The following DCLK1 variants were observed in gnomAD, a reference collection of about 807,000 sequenced individuals.
The protein encoded by DCLK1 is serine/threonine-protein kinase DCLK1.
DCLK1 carries 16 observed loss-of-function variants against 86.2 expected under a neutral mutation model. The ratio of observed to expected loss-of-function variants is 0.19; its 90% CI spans 0.13 to 0.28. The LOEUF (loss-of-function observed/expected upper bound fraction) is 0.28, where lower values mean the gene tolerates loss of function less well. DCLK1 is among the 10% of genes least tolerant of loss of function. DCLK1 has a pLI of 1.00. For missense variants in DCLK1, 590 were observed against 940.2 expected (o/e 0.63, Z 4.87); for synonymous variants, 369 against 370.5 (o/e 1.00, Z 0.05).
At chr13:35,907,054 T>C (rs1380883243) in intron 4 of DCLK1, among the ~76,000 whole-genome samples, 1 of 152,192 alleles carries the variant, frequency 6.6e-6, no homozygotes, top group Non-Finnish European at 1.5e-5. Flanking sequence ...AGACTGGTTT[T>C]TCCTACCACC....
At chr13:35,917,583 G>A (rs548801001) in intron 4 of DCLK1, among the ~76,000 whole-genome samples, 68 of 152,288 alleles carry the variant, frequency 4.5e-4, no homozygotes, top group Admixed American at 2.7e-3. Context: ...GAGAAAGCAT[G>A]CCAAGCCTTG....
chr13:35,912,008 G>A (rs1875066262), intron 4 of DCLK1, among the ~76,000 whole-genome samples: 1 of 152,134 alleles, frequency 6.6e-6, no homozygotes, highest in African/African-American at 2.4e-5. Flanking sequence ...AGCAAATAAG[G>A]ACCACTGTAC....
intron 8 of DCLK1, among the ~76,000 whole-genome samples, chr13:35,834,559 A>G (rs868538854): frequency 2.7e-4 from 41 of 152,356 alleles, no homozygotes; most frequent in African/African-American, 9.1e-4. Context: ...ATTAAATGAA[A>G]TGTCATAAAT....
intron 13 of DCLK1, 31 bp downstream of exon 13, chr13:35,808,987 T>C (rs963093875): frequency 6.3e-7 from 1 of 1,595,872 alleles, no homozygotes; most frequent in African/African-American, 1.3e-5. Flanking sequence ...AAATGCTTTG[T>C]CGGCGCTGAA....
chr13:35,774,142 T>G lies in DCLK1; in HGVS notation c.*393A>C, dbSNP rs533695794. The G allele has an allele frequency of 6.0e-6, 1 of 166,530 alleles. No homozygotes were observed. Among genetic ancestry groups the G allele is most frequent in the Admixed American group, 5.8e-5 (1 of 17,316 alleles). The allele number at this position is 166,530 out of a possible 1,614,324, so 10.3% of individuals were successfully genotyped here. On this transcript the variant is annotated 3_prime_UTR_variant, in exon 17 of 17. Coordinates refer to ENST00000360631, the MANE Select transcript of DCLK1 (RefSeq NM_001330071.2). Reference sequence around the variant, plus strand: ...ATCTGCAGTAAAATCAAGAAACATGTGTGTATACATCCAAAGGCCTGAAAA... The same window carrying G: ...ATCTGCAGTAAAATCAAGAAACATGGGTGTATACATCCAAAGGCCTGAAAA...
chr13:35,927,694 C>T (rs188963892), intron 4 of DCLK1, among the ~76,000 whole-genome samples: 8 of 152,256 alleles, frequency 5.3e-5, no homozygotes, highest in African/African-American at 7.2e-5. Flanking sequence ...CTTTGGATGA[C>T]ACCAAGTTTA....
intron 11 of DCLK1, among the ~76,000 whole-genome samples, chr13:35,820,305 T>G (rs1566549667): frequency 6.6e-6 from 1 of 152,212 alleles, no homozygotes; most frequent in African/African-American, 2.4e-5. Flanking sequence ...GTTTTTCATA[T>G]AGATATTTTA....
chr13:36,075,548 A>T (rs564842067), intron 3 of DCLK1, among the ~76,000 whole-genome samples: 1 of 152,336 alleles, frequency 6.6e-6, no homozygotes. Context: ...TTTCTATGAA[A>T]AATTTCTCTC....
intron 3 of DCLK1, among the ~76,000 whole-genome samples, chr13:36,089,352 C>T (rs1816648192): frequency 6.6e-6 from 1 of 152,218 alleles, no homozygotes; most frequent in African/African-American, 2.4e-5. Context: ...CCTGCTAGGC[C>T]TGAACAGAAG....
intron 4 of DCLK1, among the ~76,000 whole-genome samples, chr13:35,875,479 T>A (rs1872537944): frequency 2.6e-5 from 4 of 152,204 alleles, no homozygotes. Context: ...CAGGACACCA[T>A]AATAGAACCA....
chr13:35,838,978 C>G, intron 7 of DCLK1, 114 bp downstream of exon 7: 2 of 923,046 alleles, frequency 2.2e-6, no homozygotes, highest in South Asian at 3.1e-5. Flanking sequence ...GATTGACCCT[C>G]AGGAGCTGCT....
intron 3 of DCLK1, among the ~76,000 whole-genome samples, chr13:36,081,255 T>C (rs1884409708): frequency 6.6e-6 from 1 of 152,138 alleles, no homozygotes; most frequent in Non-Finnish European, 1.5e-5. Context: ...CCCTCAAAAT[T>C]ATTCCTTTCC....
At chr13:36,129,141 C>T (rs117409942) in intron 1 of DCLK1, among the ~76,000 whole-genome samples, 2,441 of 152,238 alleles carry the variant, frequency 0.016, 38 homozygotes, top group Admixed American at 0.04. Context: ...AGAAAACAAG[C>T]AGGGCCATAG....
intron 3 of DCLK1, among the ~76,000 whole-genome samples, chr13:36,090,031 A>T (rs1021198726): frequency 2.0e-5 from 3 of 152,216 alleles, no homozygotes; most frequent in East Asian, 3.8e-4. Flanking sequence ...AGCACTATTT[A>T]AAAAATTTAA....
At chr13:35,843,235 G>C (rs974353245) in intron 6 of DCLK1, among the ~76,000 whole-genome samples, 1 of 152,112 alleles carries the variant, frequency 6.6e-6, no homozygotes, top group African/African-American at 2.4e-5. Context: ...AGTACAAAAC[G>C]TACAGTTATT....
At chr13:35,849,486 A>G in intron 6 of DCLK1, 1 of 985,032 alleles carries the variant, frequency 1.0e-6, no homozygotes. Flanking sequence ...TAGTGTTTGA[A>G]CTAGTAAAAG....
Position 35,774,328 on chromosome 13 carries a change from G to T in DCLK1, c.*207C>A. ...CCTTAACCCTTTGAGGACTCTATTAGCAGCAAATTACCATCTTCACAATCA... is the reference window on the plus strand; with the variant it reads ...CCTTAACCCTTTGAGGACTCTATTATCAGCAAATTACCATCTTCACAATCA... On this transcript the variant is annotated 3_prime_UTR_variant, in exon 17 of 17. Transcript: ENST00000360631. 1.5e-6 allele frequency: 1 copy of T among 676,866 alleles called. No individual in the cohort carries two copies. Among genetic ancestry groups the T allele is most frequent in the Non-Finnish European group, 2.4e-6 (1 of 423,156 alleles). 41.9% of individuals were successfully genotyped at this position (676,866 alleles called of 1,614,324 possible).
At chr13:36,007,766 T>C (rs928780175) in intron 3 of DCLK1, among the ~76,000 whole-genome samples, 5 of 152,300 alleles carry the variant, frequency 3.3e-5, no homozygotes, top group Non-Finnish European at 7.4e-5. Context: ...TATAAGCCAT[T>C]GCTGTCTTCA....
At chr13:35,824,460 G>C (rs1046433165) in intron 10 of DCLK1, among the ~76,000 whole-genome samples, 1 of 152,082 alleles carries the variant, frequency 6.6e-6, no homozygotes, top group African/African-American at 2.4e-5. Flanking sequence ...GATTACATGC[G>C]TGAGCCACTG....
Sources: allele counts gnomAD v4.1 joint callset (sites outside exome capture counted in the v4.1 genomes callset), GRCh38; gene constraint gnomAD v4.1.1; transcripts MANE v1.5; gene names NCBI Gene and HGNC (gene_info 2026-07-23, HGNC 2026-07-21).